MACROD2: variants seen among roughly 807,000 people sequenced by gnomAD.
MACROD2 encodes ADP-ribose glycohydrolase MACROD2.
Under a neutral mutation model 70.4 loss-of-function variants are expected in MACROD2, and 36 were observed. The ratio of observed to expected loss-of-function variants is 0.51; its 90% CI spans 0.39 to 0.68. The LOEUF is 0.68. Among genes scored for constraint, MACROD2 ranks in the 30% least tolerant of loss-of-function variants. The pLI is 0.00. For synonymous variants in MACROD2, 172 were observed against 178.8 expected (o/e 0.96, Z 0.30); for missense variants, 496 against 538.4 (o/e 0.92, Z 0.78).
At chr20:15,531,691 A>G (rs971110426) in intron 8 of MACROD2, among the ~76,000 whole-genome samples, 5 of 152,302 alleles carry the variant, frequency 3.3e-5, no homozygotes, top group Admixed American at 6.5e-5. Context: ...AGGAGAGTCC[A>G]GTGCAATCGT....
At chr20:14,651,113 T>C (rs967907411) in intron 4 of MACROD2, among the ~76,000 whole-genome samples, 9 of 152,134 alleles carry the variant, frequency 5.9e-5, no homozygotes, top group Non-Finnish European at 2.9e-5. Flanking sequence ...AGGTACAGAA[T>C]TAAATGTCAT....
At chr20:14,824,481 A>G (rs1254973065) in intron 5 of MACROD2, among the ~76,000 whole-genome samples, 1 of 152,082 alleles carries the variant, frequency 6.6e-6, no homozygotes, top group Non-Finnish European at 1.5e-5. Context: ...CAGATGGGAT[A>G]GCTCACCTGG....
intron 15 of MACROD2, among the ~76,000 whole-genome samples, chr20:16,035,643 G>A (rs2067224522): frequency 1.3e-5 from 2 of 151,994 alleles, no homozygotes; most frequent in Admixed American, 6.6e-5. Context: ...TATTATGTGT[G>A]TTAGTTAGCT....
At chr20:15,417,903 C>A (rs540430983) in intron 6 of MACROD2, among the ~76,000 whole-genome samples, 1 of 152,156 alleles carries the variant, frequency 6.6e-6, no homozygotes, top group Non-Finnish European at 1.5e-5. Flanking sequence ...GCACATAGAA[C>A]GGTTTTCACA....
intron 8 of MACROD2, among the ~76,000 whole-genome samples, chr20:15,785,463 T>G (rs2051909571): frequency 6.6e-6 from 1 of 152,108 alleles, no homozygotes; most frequent in Non-Finnish European, 1.5e-5. Flanking sequence ...ATTCTTTACA[T>G]CGAGTTGTAA....
intron 8 of MACROD2, among the ~76,000 whole-genome samples, chr20:15,845,462 T>C (rs887707982): frequency 7.2e-5 from 11 of 152,122 alleles, no homozygotes; most frequent in South Asian, 2.1e-4. Context: ...ACGTAGTGCC[T>C]TTCTCTACTG....
chr20:15,491,275 A>G (rs756408076), intron 7 of MACROD2, among the ~76,000 whole-genome samples: 12 of 152,132 alleles, frequency 7.9e-5, no homozygotes, highest in Non-Finnish European at 1.6e-4. Context: ...CTCCTCCCCA[A>G]TTAATTAGCT....
chr20:14,475,306 T>A (rs2084578861), intron 3 of MACROD2, among the ~76,000 whole-genome samples: 1 of 146,712 alleles, frequency 6.8e-6, no homozygotes, highest in African/African-American at 2.5e-5. Flanking sequence ...TACATCTTTT[T>A]ATGTTGCCTA....
chr20:15,551,904 G>A lies in MACROD2; in HGVS notation c.645+52057G>A, dbSNP rs189424871. Among the ~76,000 whole-genome samples, 73 of 149,442 alleles carry A rather than the reference G, an allele frequency of 4.9e-4. 2 individuals carry two copies. Among genetic ancestry groups the A allele is most frequent in the South Asian group, 8.4e-4 (4 of 4,736 alleles). ...AAAAAAAAGAATATTTTATTTCTGT[G>A]TAAACAGATTATTATTCCTTTTTTA... On this transcript the variant is annotated intron_variant, in intron 8 of 17. Transcript: ENST00000684519.
At chr20:14,650,562 T>C (rs1258598993) in intron 4 of MACROD2, among the ~76,000 whole-genome samples, 1 of 152,226 alleles carries the variant, frequency 6.6e-6, no homozygotes, top group East Asian at 1.9e-4. Context: ...TTCTTACAAG[T>C]TTAAGACTCA....
At chr20:15,039,232 G>C (rs1019992145) in intron 5 of MACROD2, among the ~76,000 whole-genome samples, 8 of 152,184 alleles carry the variant, frequency 5.3e-5, no homozygotes, top group African/African-American at 1.9e-4. Context: ...TGTTAATGAA[G>C]TATAGGAGAG....
At chr20:16,034,297 T>C (rs1479369282) in intron 15 of MACROD2, among the ~76,000 whole-genome samples, 1 of 152,032 alleles carries the variant, frequency 6.6e-6, no homozygotes, top group Non-Finnish European at 1.5e-5. Context: ...TGGACTCAGC[T>C]TCTCTTCAAG....
Position 13,995,852 on chromosome 20 carries a change from T to TTTGGGGGGGGGGGGGGGGGGG in MACROD2, c.46+43_46+44insTTGGGGGGGGGGGGGGGGGGG. The stretch of plus-strand genomic sequence containing the variant: ...TCCTGGGGGTGCGGGCGGTGGGGGT[T>TTTGGGGGGGGGGGGGGGGGGG]AGGGTGGGGGCGGGGGTCAGGCTGT... On this transcript the variant is annotated intron_variant, in intron 1 of 17. Coordinates refer to ENST00000684519, the MANE Select transcript of MACROD2 (RefSeq NM_001351661.2). This position sits in a 1 kb window ranked among gnomAD's most constrained non-coding sequence, Gnocchi z 4.3. The TTTGGGGGGGGGGGGGGGGGGG allele has an allele frequency of 1.3e-6, 1 of 782,424 alleles. No homozygotes were observed. The highest frequency in any genetic ancestry group is 2.0e-6 in the Non-Finnish European group (1 of 496,728). 48.5% of individuals were successfully genotyped at this position (782,424 alleles called of 1,614,324 possible).
At chr20:15,815,619 A>T (rs1043235699) in intron 8 of MACROD2, among the ~76,000 whole-genome samples, 2 of 152,286 alleles carry the variant, frequency 1.3e-5, no homozygotes, top group South Asian at 4.1e-4. Context: ...AAATATTATG[A>T]CAGTTGTCCA....
At position 15,836,882 on chromosome 20, in the gene MACROD2, A is replaced by G. The variant is rs113713490; in HGVS notation, c.646-25863A>G. On this transcript the variant is annotated intron_variant, in intron 8 of 17. Transcript: ENST00000684519. ...AGACCACAGCTATTTCTTTGTAGAA[A>G]GTCCAGTTGTGTATTACAAAGATTG... Among the ~76,000 whole-genome samples the G allele has an allele frequency of 8.6e-3, 1,312 of 152,326 alleles. 11 individuals carry two copies. The highest frequency in any genetic ancestry group is 0.015 in the Non-Finnish European group (992 of 68,010).
intron 5 of MACROD2, among the ~76,000 whole-genome samples, chr20:14,795,034 A>C (rs765927227): frequency 1.3e-5 from 2 of 152,074 alleles, no homozygotes; most frequent in African/African-American, 2.4e-5. Context: ...CCATTCCTTA[A>C]GCAGAATACA....
At chr20:14,724,973 G>A (rs765004778) in intron 5 of MACROD2, among the ~76,000 whole-genome samples, 15 of 152,172 alleles carry the variant, frequency 9.9e-5, no homozygotes, top group Admixed American at 2.0e-4. Context: ...ATGAGAAATA[G>A]TAGTGGATTA....
chr20:15,235,805 C>CT (rs1012711283), intron 6 of MACROD2, among the ~76,000 whole-genome samples: 9 of 152,186 alleles, frequency 5.9e-5, no homozygotes, highest in African/African-American at 2.2e-4. Context: ...TTTGGTACCT[C>CT]TGCTCCTCTG....
At chr20:14,883,514 C>T (rs1035234835) in intron 5 of MACROD2, among the ~76,000 whole-genome samples, 19 of 152,122 alleles carry the variant, frequency 1.2e-4, no homozygotes, top group Middle Eastern at 3.4e-3. Flanking sequence ...CTTCCCCTTT[C>T]TCTAATAAAA....
Sources: allele counts gnomAD v4.1 joint callset (sites outside exome capture counted in the v4.1 genomes callset), GRCh38; gene constraint gnomAD v4.1.1; non-coding constraint Gnocchi (gnomAD v3.1); transcripts MANE v1.5; gene names NCBI Gene and HGNC (gene_info 2026-07-23, HGNC 2026-07-21).